The following TMEM117 variants were observed in gnomAD, a reference collection of about 807,000 sequenced individuals.
TMEM117 encodes the protein transmembrane protein 117.
Under a neutral mutation model 52.4 loss-of-function variants are expected in TMEM117, and 27 were observed. That is an observed-to-expected ratio of 0.51 (90% CI 0.38 to 0.71). TMEM117 has a LOEUF of 0.71. TMEM117 is among the 30% of genes least tolerant of loss of function. TMEM117 has a pLI of 0.00. For missense variants in TMEM117, 556 were observed against 630.5 expected, an observed-to-expected ratio of 0.88 and a Z score of 1.26; for synonymous variants, 215 against 206.3, an observed-to-expected ratio of 1.04 and a Z score of -0.36.
intron 4 of TMEM117, among the ~76,000 whole-genome samples, chr12:44,202,553 TG>T (rs750973888): frequency 6.6e-6 from 1 of 152,230 alleles, no homozygotes; most frequent in Non-Finnish European, 1.5e-5. Flanking sequence ...GCTAGTATTT[TG>T]TTGAAGATGT....
chr12:43,937,133 T>C (rs1387674887), intron 2 of TMEM117, among the ~76,000 whole-genome samples: 3 of 152,084 alleles, frequency 2.0e-5, no homozygotes, highest in African/African-American at 7.2e-5. Context: ...AGGATAGTCA[T>C]GAAGGTAGAT....
intron 3 of TMEM117, among the ~76,000 whole-genome samples, chr12:44,125,486 A>G (rs1273384528): frequency 1.3e-5 from 2 of 152,058 alleles, no homozygotes; most frequent in Admixed American, 6.5e-5. Flanking sequence ...TAGATTTTCT[A>G]GTTTATGTGT....
chr12:43,865,568 A>T (rs1943577919), intron 2 of TMEM117, among the ~76,000 whole-genome samples: 1 of 151,968 alleles, frequency 6.6e-6, no homozygotes, highest in Non-Finnish European at 1.5e-5. Flanking sequence ...GTGGTGGTGC[A>T]TGTCTGTAAT....
At chr12:43,937,802 G>A (rs984391070) in intron 2 of TMEM117, among the ~76,000 whole-genome samples, 6 of 152,120 alleles carry the variant, frequency 3.9e-5, no homozygotes, top group Admixed American at 6.5e-5. Flanking sequence ...ATGCCATGAG[G>A]ACATAGTGGT....
intron 3 of TMEM117, among the ~76,000 whole-genome samples, chr12:44,102,803 G>C (rs1307039881): frequency 6.6e-6 from 1 of 151,984 alleles, no homozygotes; most frequent in African/African-American, 2.4e-5. Flanking sequence ...ATCCCCACTT[G>C]TTGTGGGAGG....
chr12:44,242,367 C>A lies in TMEM117; in HGVS notation c.608+30980C>A, dbSNP rs563405292. ...ATGAGTTCTTATCATTTAGCTCTCA[C>A]TTGTAAGTGAGAACATGTGGTATTG... On this transcript the variant is annotated intron_variant, in intron 5 of 7. Coordinates refer to ENST00000266534, the MANE Select transcript of TMEM117 (RefSeq NM_032256.3). 1.5e-3 allele frequency among the ~76,000 whole-genome samples: 224 copies of A among 151,996 alleles called. 2 individuals carry two copies. Among genetic ancestry groups the A allele is most frequent in the African/African-American group, 5.1e-3 (211 of 41,498 alleles).
chr12:44,193,832 CA>C lies in TMEM117; in HGVS notation c.511-17453del, dbSNP rs1266074507. On this transcript the variant is annotated intron_variant, in intron 4 of 7. Coordinates refer to ENST00000266534, the MANE Select transcript of TMEM117 (RefSeq NM_032256.3). ...TCCTTAGTCCCTTCACAGAACGAAG[CA>C]AAAATTCTCTCTGAGGGAACACACT... 2.6e-5 allele frequency among the ~76,000 whole-genome samples: 4 copies of C among 152,068 alleles called. No individual in the cohort carries two copies. The East Asian group carries it at 7.7e-4, about 29-fold the overall frequency.
intron 6 of TMEM117, among the ~76,000 whole-genome samples, chr12:44,354,756 C>A (rs1199865683): frequency 1.3e-5 from 2 of 151,636 alleles, no homozygotes; most frequent in African/African-American, 4.8e-5. Flanking sequence ...TGAAAACTGG[C>A]ACAAGACAGG....
At chr12:44,241,203 A>G (rs999789118) in intron 5 of TMEM117, among the ~76,000 whole-genome samples, 1 of 150,808 alleles carries the variant, frequency 6.6e-6, no homozygotes. Context: ...TAGATGTACT[A>G]TTTTTTATTG....
chr12:44,017,987 T>A (rs1402771135), intron 3 of TMEM117, among the ~76,000 whole-genome samples: 1 of 152,202 alleles, frequency 6.6e-6, no homozygotes, highest in East Asian at 1.9e-4. Context: ...AATTAGTAAT[T>A]AACCACTGTT....
intron 5 of TMEM117, among the ~76,000 whole-genome samples, chr12:44,252,621 G>T (rs959736600): frequency 1.3e-5 from 2 of 152,168 alleles, no homozygotes; most frequent in African/African-American, 4.8e-5. Context: ...CTCTTCATTT[G>T]CACATCCCTT....
intron 2 of TMEM117, among the ~76,000 whole-genome samples, chr12:43,870,602 GTATATACCCAGT>G (rs1374261520): frequency 6.6e-6 from 1 of 151,948 alleles, no homozygotes; most frequent in Non-Finnish European, 1.5e-5. Flanking sequence ...ATTCTTTTGG[GTATATACCCAGT>G]TATATACCCA....
At chr12:44,152,750 T>G (rs1948768809) in intron 4 of TMEM117, among the ~76,000 whole-genome samples, 1 of 138,734 alleles carries the variant, frequency 7.2e-6, no homozygotes, top group African/African-American at 2.6e-5. Context: ...TATAATTATA[T>G]TTATAATGTA....
chr12:44,150,868 T>C (rs1361538164), intron 4 of TMEM117, among the ~76,000 whole-genome samples: 1 of 151,918 alleles, frequency 6.6e-6, no homozygotes, highest in Admixed American at 6.6e-5. Flanking sequence ...GATTTCCGGG[T>C]AAAAAAGGTT....
chr12:43,920,363 A>T (rs140522718), intron 2 of TMEM117, among the ~76,000 whole-genome samples: 1 of 152,034 alleles, frequency 6.6e-6, no homozygotes, highest in South Asian at 2.1e-4. Context: ...AATACAAAAA[A>T]TTAGCCGGGC....
the TMEM117 span, among the ~76,000 whole-genome samples, chr12:43,807,952 A>G: frequency 6.6e-6 from 1 of 152,246 alleles, no homozygotes; most frequent in East Asian, 1.9e-4. Context: ...GTTTACAAAT[A>G]ATATATAATA....
intron 3 of TMEM117, among the ~76,000 whole-genome samples, chr12:44,095,983 A>C (rs1277063153): frequency 2.0e-5 from 3 of 152,222 alleles, no homozygotes; most frequent in Admixed American, 6.5e-5. Flanking sequence ...GTCTCAGCCC[A>C]AAATCTCCTT....
intron 6 of TMEM117, among the ~76,000 whole-genome samples, chr12:44,323,228 C>A (rs1951155185): frequency 6.6e-6 from 1 of 152,140 alleles, no homozygotes; most frequent in African/African-American, 2.4e-5. Flanking sequence ...CCATTTTGAA[C>A]TTTTGTCCTC....
At chr12:43,885,377 A>G (rs192846233) in intron 2 of TMEM117, among the ~76,000 whole-genome samples, 2 of 151,010 alleles carry the variant, frequency 1.3e-5, no homozygotes, top group Non-Finnish European at 2.9e-5. Context: ...TTGCTTTCAT[A>G]GAGATTTAAG....
Sources: allele counts gnomAD v4.1 joint callset (sites outside exome capture counted in the v4.1 genomes callset), GRCh38; gene constraint gnomAD v4.1.1; transcripts MANE v1.5; gene names NCBI Gene and HGNC (gene_info 2026-07-23, HGNC 2026-07-21).